The following ANO9 variants were observed in gnomAD, a reference collection of about 807,000 sequenced individuals.
ANO9 encodes the protein anoctamin 9, also known as anoctamin-9.
A neutral mutation model predicts 100.5 loss-of-function variants in ANO9; 80 were observed. That is an observed-to-expected ratio of 0.80 (90% CI 0.66 to 0.96). The LOEUF is 0.96. Among genes scored for constraint, ANO9 ranks in the 40% least tolerant of loss-of-function variants. ANO9 has a pLI of 0.00. For synonymous variants in ANO9, 473 were observed against 435.6 expected, an observed-to-expected ratio of 1.09 and a Z score of -1.07; for missense variants, 1,064 against 1,072.7, an observed-to-expected ratio of 0.99 and a Z score of 0.11.
At position 418,828 on chromosome 11, in the gene ANO9, T is replaced by G. The variant is rs759337830; in HGVS notation, c.2037-15A>C. 5.5e-5 allele frequency: 89 copies of G among 1,613,244 alleles called. No homozygotes were observed. Among genetic ancestry groups the G allele is most frequent in the Non-Finnish European group, 7.5e-5 (88 of 1,179,972 alleles). Reference sequence around the variant, plus strand: ...AGTCCCTGTATCTGGGGTAAGGAAGTACCTGAGGTCAGGGGTCAGGAGTTC... The same window carrying G: ...AGTCCCTGTATCTGGGGTAAGGAAGGACCTGAGGTCAGGGGTCAGGAGTTC... On this transcript the variant is annotated splice_polypyrimidine_tract_variant and intron_variant, in intron 21 of 22. Transcript: ENST00000332826.
At chr11:433,161 G>A in intron 4 of ANO9, 153 bp downstream of exon 4, 1 of 1,009,680 alleles carries the variant, frequency 9.9e-7, no homozygotes, top group Admixed American at 3.1e-5. Context: ...CACACAGCCA[G>A]TGGGTCTCAC....
In ANO9 at chr11:418,433, G is replaced by T. The variant is rs1847969706; in HGVS notation, c.2287C>A (p.Pro763Thr). 3.1e-6 allele frequency: 5 copies of T among 1,612,506 alleles called. No homozygotes were observed. The highest frequency in any genetic ancestry group is 4.2e-6 in the Non-Finnish European group (5 of 1,179,812). ...GGGGTGGGATGGGCAGGCATTGGGG[G>T]CCGAGAGCCTGCCCCCACCCCACCC... ...RLGGVGAGSRPPMPAHPTPAS... is the reference protein window; with the variant it reads ...RLGGVGAGSRTPMPAHPTPAS... Residue 763 changes from proline (P) to threonine (T), a missense_variant, in exon 23 of 23, where the codon CCC becomes ACC. Coordinates refer to ENST00000332826, the MANE Select transcript of ANO9 (RefSeq NM_001012302.3).
At chr11:431,795 C>G (rs1007032259) in intron 6 of ANO9, 28 bp from the exon 7 acceptor site, 1 of 1,612,202 alleles carries the variant, frequency 6.2e-7, no homozygotes, top group African/African-American at 1.3e-5. Context: ...GAGTGAGAGC[C>G]CCCATCCCAG....
At chr11:441,873 G>A (rs370719518) in intron 1 of ANO9, 48 bp downstream of exon 1, 27 of 1,595,320 alleles carry the variant, frequency 1.7e-5, no homozygotes, top group Non-Finnish European at 2.0e-5. Context: ...AGGTGTGGGC[G>A]TGGCTGGGGG....
intron 11 of ANO9, among the ~76,000 whole-genome samples, chr11:429,249 A>G (rs868080051): frequency 3.1e-3 from 227 of 72,252 alleles, no homozygotes; most frequent in African/African-American, 5.7e-3. Flanking sequence ...ACAGGGACAC[A>G]CCTCACGGGT....
chr11:418,890 GCA>G lies in ANO9; in HGVS notation c.2032_2033del (p.Cys678GlnfsTer32), dbSNP rs1564901397. 6.2e-7 allele frequency: 1 copy of G among 1,613,620 alleles called. No homozygotes were observed. Among genetic ancestry groups the G allele is most frequent in the Admixed American group, 1.7e-5 (1 of 60,018 alleles). ...GIEGSENVTL[C>X]RYRDYRNPPD... ...TTGGGGGATGGGGAGTTCCAAACCT[GCA>G]CAGAGTCACGTTTTCTGAGCCCTCA... On this transcript the variant is annotated frameshift_variant, in exon 21 of 23. Transcript: ENST00000332826. LOFTEE classifies it high-confidence loss of function.
intron 1 of ANO9, among the ~76,000 whole-genome samples, chr11:436,497 C>A (rs1220659540): frequency 6.6e-6 from 1 of 151,822 alleles, no homozygotes; most frequent in Non-Finnish European, 1.5e-5. Flanking sequence ...CCGTCTCAAC[C>A]ACAGAAGCCA....
intron 1 of ANO9, among the ~76,000 whole-genome samples, chr11:439,878 C>A (rs1353813414): frequency 6.6e-6 from 1 of 152,206 alleles, no homozygotes; most frequent in African/African-American, 2.4e-5. Flanking sequence ...TTCACCCATC[C>A]GTGTGCCCGT....
At chr11:419,379 T>C in intron 20 of ANO9, 1 of 1,420,306 alleles carries the variant, frequency 7.0e-7, no homozygotes, top group South Asian at 1.6e-5. Flanking sequence ...ACTGCGGTCC[T>C]GGCCAGTTAT....
Position 430,267 on chromosome 11 carries a change from A to G in ANO9, c.674+2T>C. On this transcript the variant is annotated splice_donor_variant, in intron 8 of 22. Coordinates refer to ENST00000332826, the MANE Select transcript of ANO9 (RefSeq NM_001012302.3). LOFTEE classifies it high-confidence loss of function. Reference sequence around the variant, plus strand: ...CCATGCCCGGCCCCTGCTGCGGCCCACCTGATCTGGCTGGCCTCAAACAGC... The same window carrying G: ...CCATGCCCGGCCCCTGCTGCGGCCCGCCTGATCTGGCTGGCCTCAAACAGC... The G allele has an allele frequency of 6.4e-7, 1 of 1,563,264 alleles. No homozygotes were observed. The highest frequency in any genetic ancestry group is 8.7e-7 in the Non-Finnish European group (1 of 1,154,876).
chr11:428,797 G>T lies in ANO9; in HGVS notation c.945C>A (p.Cys315Ter), dbSNP rs1848687268. ...GGTATGGCCGGAGCTTGTAGTCGGGGCAGTTAATGAGCTGAAGTGCCATTT... is the reference window on the plus strand; with the variant it reads ...GGTATGGCCGGAGCTTGTAGTCGGGTCAGTTAATGAGCTGAAGTGCCATTT... Reference protein sequence around the residue: ...QEEMALQLINCPDYKLRPYQH... With the variant: ...QEEMALQLIN The change falls in exon 12 of 23, where the codon TGC becomes TGA. Residue 315 changes from cysteine (C) to a stop codon, truncating the protein, a stop_gained. Transcript: ENST00000332826. LOFTEE classifies it high-confidence loss of function. 1 of 1,613,274 alleles carries T rather than the reference G, an allele frequency of 6.2e-7. No individual in the cohort carries two copies. Among genetic ancestry groups the T allele is most frequent in the Non-Finnish European group, 8.5e-7 (1 of 1,179,936 alleles).
Position 420,759 on chromosome 11 carries a change from G to A in ANO9, c.1592C>T (p.Pro531Leu), listed in dbSNP as rs1206475737. Reference protein sequence around the residue: ...RDWRRNYLLNPVNTFSLFDEF... With the variant: ...RDWRRNYLLNLVNTFSLFDEF... ...GTCGAACAGGCTGAAGGTGTTGACC[G>A]GGTTCAGAAGGTAGTTGCGCCGCCA... The change falls in exon 18 of 23, where the codon CCG becomes CTG. Residue 531 changes from proline (P) to leucine (L), a missense_variant. Physicochemically the swap from Pro to Leu is moderately conservative, Grantham distance 98 (BLOSUM62 -3). Transcript: ENST00000332826. 2.5e-6 allele frequency: 4 copies of A among 1,605,698 alleles called. No homozygotes were observed. Among genetic ancestry groups the A allele is most frequent in the Admixed American group, 1.7e-5 (1 of 59,670 alleles).
At chr11:438,058 C>T (rs1026017395) in intron 1 of ANO9, among the ~76,000 whole-genome samples, 1 of 152,208 alleles carries the variant, frequency 6.6e-6, no homozygotes, top group South Asian at 2.1e-4. Flanking sequence ...GGGAAGCCAT[C>T]GTTCACCCCA....
chr11:435,138 G>A (rs1479005422), intron 1 of ANO9, among the ~76,000 whole-genome samples: 2 of 151,990 alleles, frequency 1.3e-5, no homozygotes, highest in East Asian at 3.8e-4. Context: ...AGTGTAGTAG[G>A]GTATAGTATG....
intron 1 of ANO9, among the ~76,000 whole-genome samples, chr11:438,183 C>T (rs1307308206): frequency 1.3e-5 from 2 of 152,066 alleles, no homozygotes; most frequent in Non-Finnish European, 2.9e-5. Flanking sequence ...GGGTGCAAAG[C>T]CCCCATCACT....
chr11:435,487 C>T (rs1048721352), intron 1 of ANO9, among the ~76,000 whole-genome samples: 8 of 33,242 alleles, frequency 2.4e-4, no homozygotes, highest in African/African-American at 6.1e-4. Context: ...TAACATAATA[C>T]GGTATAGTCT....
rs540903846 is a variant in ANO9, at chr11:431,607, G to T, written c.539+87C>A. The T allele has an allele frequency of 8.4e-5, 108 of 1,283,876 alleles. 4 individuals are homozygous for T. The highest frequency in any genetic ancestry group is 2.7e-4 in the Admixed American group (14 of 52,394). The allele number at this position is 1,283,876 out of a possible 1,614,324, so 79.5% of individuals were successfully genotyped here. The stretch of plus-strand genomic sequence containing the variant: ...CGGGTATCTGGGGGCTTCCGCGGGG[G>T]TGTGGGGGCGTCCGCGGGTATCTGG... On this transcript the variant is annotated intron_variant, in intron 7 of 22. Coordinates refer to ENST00000332826, the MANE Select transcript of ANO9 (RefSeq NM_001012302.3).
At chr11:423,295 T>C (rs1287508906) in intron 15 of ANO9, among the ~76,000 whole-genome samples, 3 of 152,116 alleles carry the variant, frequency 2.0e-5, no homozygotes, top group African/African-American at 7.2e-5. Flanking sequence ...AGCAAGGGGC[T>C]GGTACTGGAA....
intron 1 of ANO9, among the ~76,000 whole-genome samples, chr11:440,091 G>A (rs1263313196): frequency 6.6e-6 from 1 of 152,188 alleles, no homozygotes; most frequent in Non-Finnish European, 1.5e-5. Flanking sequence ...CTGAGAATCA[G>A]GGTGCAGTTG....
Sources: gnomAD v4.1 joint callset for allele counts (sites outside exome capture counted in the v4.1 genomes callset) on GRCh38, gnomAD v4.1.1 for gene constraint, MANE v1.5 for transcripts, NCBI Gene and HGNC (gene_info 2026-07-23, HGNC 2026-07-21) for gene names.